Variants in AKAP11 observed in about 807,000 individuals in gnomAD.
AKAP11 encodes the protein A-kinase anchoring protein 11.
AKAP11 carries 36 observed loss-of-function variants against 146.1 expected under a neutral mutation model. The observed-to-expected ratio is 0.25, with a 90% CI of 0.19 to 0.33. AKAP11 has a LOEUF of 0.33. Ranked by LOEUF, AKAP11 falls within the 10% of genes least tolerant of loss-of-function variation. The pLI, the probability that AKAP11 is intolerant of heterozygous loss-of-function variation, is 1.00. For synonymous variants in AKAP11, 780 were observed against 786.5 expected (o/e 0.99, Z 0.14); for missense variants, 2,201 against 2,197.0 (o/e 1.00, Z -0.04).
chr13:42,272,270 A>T (rs1958788403), intron 1 of AKAP11, 42 bp downstream of exon 1: 1 of 152,394 alleles, frequency 6.6e-6, no homozygotes, highest in Non-Finnish European at 1.5e-5. Context: ...GGCTGCGTTT[A>T]GATGGGGTGG....
In AKAP11 at chr13:42,303,170, C is replaced by T. The variant is rs754421729; in HGVS notation, c.4424C>T (p.Ala1475Val). The change falls in exon 8 of 13, where the codon GCC becomes GTC. Residue 1475 changes from alanine (A) to valine (V), a missense_variant. Ala to Val is a moderately conservative substitution (Grantham distance 64, BLOSUM62 0). This residue lies in a region of AKAP11 where 1,867 missense variants were observed against 1,833.5 expected (regional missense o/e 1.02). Coordinates refer to ENST00000025301, the MANE Select transcript of AKAP11 (RefSeq NM_016248.4). ...AAAGATGCTAAGGAAGAGTTGACAG[C>T]CTCTCTAGTTGGCCTACCAAAATCC... is the stretch of plus-strand genomic sequence containing the variant. ...ITKDAKEELT[A>V]SLVGLPKSLT... is the part of the protein sequence containing the mutation. 2.9e-5 allele frequency: 47 copies of T among 1,614,040 alleles called. No individual in the cohort carries two copies. The highest frequency in any genetic ancestry group is 1.6e-4 in the Middle Eastern group (1 of 6,084).
At position 42,298,653 on chromosome 13, in the gene AKAP11, A is replaced by T. The variant is rs1237385727; in HGVS notation, c.472A>T (p.Thr158Ser). The T allele has an allele frequency of 6.2e-7, 1 of 1,612,248 alleles. No homozygotes were observed. Among genetic ancestry groups the T allele is most frequent in the East Asian group, 2.2e-5 (1 of 44,828 alleles). The change falls in exon 7 of 13, where the codon ACA (threonine) becomes TCA (serine). Residue 158 changes from threonine to serine, a missense_variant. By Grantham distance (58) the Thr-to-Ser change is moderately conservative (BLOSUM62 1). Around this residue, in one of 3 missense-constraint regions of AKAP11, gnomAD observed 331 missense variants for 347.4 expected, o/e 0.95. Transcript: ENST00000025301. ...TACTGGTATAAGGTACACCTTGGACACATTCTTGCATCAGAAGCACCAACT... is the reference window on the plus strand; with the variant it reads ...TACTGGTATAAGGTACACCTTGGACTCATTCTTGCATCAGAAGCACCAACT... ...YATGIRYTLD[T>S]FLHQKHQLET...
At chr13:42,314,251 C>T (rs973045403) in intron 11 of AKAP11, among the ~76,000 whole-genome samples, 3 of 151,992 alleles carry the variant, frequency 2.0e-5, no homozygotes, top group African/African-American at 7.2e-5. Flanking sequence ...TTGAGACCAG[C>T]CTGGCCAACA....
intron 1 of AKAP11, among the ~76,000 whole-genome samples, chr13:42,285,517 A>G (rs1269197677): frequency 6.6e-6 from 1 of 152,236 alleles, no homozygotes; most frequent in Non-Finnish European, 1.5e-5. Context: ...GGCCATATCT[A>G]TCTTGTTTCT....
intron 12 of AKAP11, among the ~76,000 whole-genome samples, chr13:42,318,061 TTTAA>T (rs1203489933): frequency 6.6e-6 from 1 of 152,232 alleles, no homozygotes; most frequent in Non-Finnish European, 1.5e-5. Flanking sequence ...ATTCTCTGTA[TTTAA>T]TTGATTTGTA....
intron 4 of AKAP11, among the ~76,000 whole-genome samples, chr13:42,293,619 C>T (rs1015754064): frequency 6.6e-6 from 1 of 152,190 alleles, no homozygotes; most frequent in Admixed American, 6.5e-5. Flanking sequence ...TACATATGCT[C>T]ATCTTCTATG....
rs779685000 is a variant in AKAP11, at chr13:42,300,513, A to G, written c.1767A>G (p.Ser589=). Residue 589 remains serine, a synonymous_variant, in exon 8 of 13, where the codon TCA becomes TCG. Transcript: ENST00000025301. ...ALYHLAIKLT[S]SVLQMAFDEL... ...ACCACTTAGCCATCAAATTGACATC[A>G]TCTGTTTTGCAGATGGCATTTGATG... 11 of 1,613,984 alleles carry G rather than the reference A, an allele frequency of 6.8e-6. No homozygotes were observed. Among genetic ancestry groups the G allele is most frequent in the African/African-American group, 1.3e-5 (1 of 74,914 alleles).
At position 42,313,070 on chromosome 13, in the gene AKAP11, G is replaced by A. The variant is rs1214469805; in HGVS notation, c.5297G>A (p.Ser1766Asn). 2 of 1,613,320 alleles carry A rather than the reference G, an allele frequency of 1.2e-6. No homozygotes were observed. Among genetic ancestry groups the A allele is most frequent in the East Asian group, 2.2e-5 (1 of 44,812 alleles). ...SESNGNSSSW[S>N]SLGLEGDLYE... The stretch of plus-strand genomic sequence containing the variant: ...AGTAATGGTAACAGCAGTAGCTGGA[G>A]CAGTCTTGGTTTAGAAGGAGATTTG... The change falls in exon 10 of 13, where the codon AGC becomes AAC. Residue 1766 changes from serine (S) to asparagine (N), a missense_variant. Ser to Asn is a conservative substitution (Grantham distance 46). This residue lies in a region of AKAP11 where 1,867 missense variants were observed against 1,833.5 expected (regional missense o/e 1.02). Transcript: ENST00000025301.
chr13:42,278,941 T>TC (rs985705151), intron 1 of AKAP11, among the ~76,000 whole-genome samples: 3 of 152,104 alleles, frequency 2.0e-5, no homozygotes, highest in African/African-American at 7.2e-5. Flanking sequence ...CTTTTTTTTT[T>TC]TTCTTCTTCT....
At position 42,301,582 on chromosome 13, in the gene AKAP11, A is replaced by T. The variant is rs751103432; in HGVS notation, c.2836A>T (p.Ile946Phe). The change falls in exon 8 of 13, where the codon ATT becomes TTT. Residue 946 changes from isoleucine to phenylalanine, a missense_variant. Physicochemically the swap from Ile to Phe is conservative, Grantham distance 21. Around this residue, in one of 3 missense-constraint regions of AKAP11, gnomAD observed 1,867 missense variants for 1,833.5 expected, o/e 1.02. Transcript: ENST00000025301. ...GTTTGCTGACCGGTTATCTAAATCT[A>T]TTATTAAACATTCCATAGATAAGAG... ...DMFADRLSKS[I>F]IKHSIDKSKS... The T allele has an allele frequency of 7.4e-6, 12 of 1,614,026 alleles. No homozygotes were observed. Among genetic ancestry groups the T allele is most frequent in the Non-Finnish European group, 1.0e-5 (12 of 1,179,996 alleles).
rs765211638 is a variant in AKAP11 at position 42,302,424 on chromosome 13, C to G, written c.3678C>G (p.Pro1226=). 1.2e-6 allele frequency: 2 copies of G among 1,614,122 alleles called. No homozygotes were observed. Among genetic ancestry groups the G allele is most frequent in the Admixed American group, 3.3e-5 (2 of 60,016 alleles). The change falls in exon 8 of 13, where the codon CCC becomes CCG. Residue 1226 remains proline (P), a synonymous_variant. Coordinates refer to ENST00000025301, the MANE Select transcript of AKAP11 (RefSeq NM_016248.4). ...TAGATAACAAAATAATTCAAGAACC[C>G]AAGGTTAAAAACCCTTGCTTAAATG... ...SHLDNKIIQE[P]KVKNPCLNVQ...
intron 1 of AKAP11, among the ~76,000 whole-genome samples, chr13:42,278,361 G>A (rs779485588): frequency 6.6e-6 from 1 of 152,130 alleles, no homozygotes; most frequent in Admixed American, 6.5e-5. Context: ...CAAATAACAG[G>A]TCTGTACCCA....
At chr13:42,316,905 A>G (rs1339340439) in intron 11 of AKAP11, among the ~76,000 whole-genome samples, 2 of 151,846 alleles carry the variant, frequency 1.3e-5, no homozygotes, top group Non-Finnish European at 2.9e-5. Flanking sequence ...GTTTTTTGGG[A>G]CAAAGTCTTG....
chr13:42,297,311 TTCATAAGAAATATAAC>T, intron 6 of AKAP11, 129 bp downstream of exon 6: 1 of 655,820 alleles, frequency 1.5e-6, no homozygotes, highest in Non-Finnish European at 2.3e-6. Context: ...GGAAATATGA[TTCATAAGAAATATAAC>T]TCATGAAGCA....
chr13:42,286,992 T>C (rs1253416731), intron 3 of AKAP11, among the ~76,000 whole-genome samples: 1 of 152,236 alleles, frequency 6.6e-6, no homozygotes, highest in Non-Finnish European at 1.5e-5. Flanking sequence ...TTTTCTGGAC[T>C]TCATCTTCTG....
In AKAP11 at chr13:42,301,690, C is replaced by A; in HGVS notation, c.2944C>A (p.Pro982Thr). The change falls in exon 8 of 13, where the codon CCA becomes ACA. Residue 982 changes from proline (P) to threonine (T), a missense_variant. Transcript: ENST00000025301. Reference protein sequence around the residue: ...PVSGEESQLTPEKSPKFPDSQ... With the variant: ...PVSGEESQLTTEKSPKFPDSQ... ...TTCTGGAGAAGAATCACAGTTGACACCAGAAAAGTCTCCCAAATTTCCTGA... is the reference window on the plus strand; with the variant it reads ...TTCTGGAGAAGAATCACAGTTGACAACAGAAAAGTCTCCCAAATTTCCTGA... 1 of 1,614,124 alleles carries A rather than the reference C, an allele frequency of 6.2e-7. No individual in the cohort carries two copies. The highest frequency in any genetic ancestry group is 8.5e-7 in the Non-Finnish European group (1 of 1,180,000).
intron 6 of AKAP11, among the ~76,000 whole-genome samples, chr13:42,297,688 C>T (rs535482845): frequency 7.9e-5 from 12 of 151,952 alleles, no homozygotes; most frequent in African/African-American, 2.7e-4. Flanking sequence ...GCATTTAGTT[C>T]TTTACCAAGT....
At position 42,283,511 on chromosome 13, in the gene AKAP11, A is replaced by G. The variant is rs550384801; in HGVS notation, c.-99-2475A>G. Among the ~76,000 whole-genome samples, 3 of 152,326 alleles carry G rather than the reference A, an allele frequency of 2.0e-5. No homozygotes were observed. In the South Asian group the frequency reaches 6.2e-4, roughly 32 times the overall value. On this transcript the variant is annotated intron_variant, in intron 1 of 12. Coordinates refer to ENST00000025301, the MANE Select transcript of AKAP11 (RefSeq NM_016248.4). ...GGTGTTTTATCTGGATCTGCTATTC[A>G]GGAAAATTGTGGGTAAAGTGAACTG...
In AKAP11 at chr13:42,319,389, A is replaced by AT. The variant is rs1960982028; in HGVS notation, c.*162dup. 23 of 859,552 alleles carry AT rather than the reference A, an allele frequency of 2.7e-5. No homozygotes were observed. Among genetic ancestry groups the AT allele is most frequent in the Non-Finnish European group, 4.0e-5 (23 of 578,060 alleles). The allele number at this position is 859,552 out of a possible 1,614,324, so 53.2% of individuals were successfully genotyped here. The stretch of plus-strand genomic sequence containing the variant: ...AGCGCTTTGTGTTATCACTCGGTGT[A>AT]TATAGTTCATACTTTTGTAATCTGT... On this transcript the variant is annotated 3_prime_UTR_variant, in exon 13 of 13. Coordinates refer to ENST00000025301, the MANE Select transcript of AKAP11 (RefSeq NM_016248.4).
Sources: gnomAD v4.1 joint callset for allele counts (sites outside exome capture counted in the v4.1 genomes callset) on GRCh38, gnomAD v4.1.1 for gene constraint, gnomAD v4.1.1 regional missense constraint, MANE v1.5 for transcripts, NCBI Gene and HGNC (gene_info 2026-07-23, HGNC 2026-07-21) for gene names.